Variants in DENND2D observed in about 807,000 individuals in gnomAD.
DENND2D encodes DENN domain containing 2D, also known as DENN domain-containing protein 2D.
DENND2D carries 37 observed loss-of-function variants against 59.8 expected under a neutral mutation model. That is an observed-to-expected ratio of 0.62 (90% CI 0.48 to 0.81). The LOEUF is 0.81. DENND2D is among the 40% of genes least tolerant of loss of function. The pLI, the probability that DENND2D is intolerant of heterozygous loss-of-function variation, is 0.00. For missense variants in DENND2D, 525 were observed against 579.7 expected (o/e 0.91, Z 0.97); for synonymous variants, 219 against 211.3 (o/e 1.04, Z -0.31).
chr1:111,192,087 T>C, intron 8 of DENND2D, 53 bp downstream of exon 8: 1 of 1,460,616 alleles, frequency 6.8e-7, no homozygotes, highest in South Asian at 1.4e-5. Flanking sequence ...AGCTGGGATC[T>C]GAATCCCACT....
chr1:111,187,314 A>G lies in DENND2D; in HGVS notation c.*291T>C. 8.0e-6 allele frequency: 3 copies of G among 373,152 alleles called. No homozygotes were observed. Among genetic ancestry groups the G allele is most frequent in the South Asian group, 4.3e-5 (1 of 23,170 alleles). 23.1% of individuals were successfully genotyped at this position (373,152 alleles called of 1,614,324 possible). On this transcript the variant is annotated 3_prime_UTR_variant, in exon 12 of 12. Transcript: ENST00000357640. ...GAGAGGGCAGTTGCAGCAGCTTCTA[A>G]CCAAGTGTCTACAACACATGTACTA... is the stretch of plus-strand genomic sequence containing the variant.
rs182480565 is a variant in DENND2D at position 111,187,833 on chromosome 1, C to T, written c.1340-152G>A. ...GCCTCACAGGTTCTGGAGATCCAGACATTCAGTTTTGTCCAAAAAGGAGCC... is the reference window on the plus strand; with the variant it reads ...GCCTCACAGGTTCTGGAGATCCAGATATTCAGTTTTGTCCAAAAAGGAGCC... On this transcript the variant is annotated intron_variant, in intron 11 of 11. Transcript: ENST00000357640. 4.6e-4 allele frequency: 351 copies of T among 763,326 alleles called. 6 individuals are homozygous for T. The East Asian group carries it at 9.3e-3, about 20-fold the overall frequency. The allele number at this position is 763,326 out of a possible 1,614,324, so 47.3% of individuals were successfully genotyped here.
upstream of DENND2D, chr1:111,204,428 C>G (rs928027187): frequency 1.5e-6 from 2 of 1,306,826 alleles, no homozygotes; most frequent in Non-Finnish European, 2.0e-6. Context: ...TCCGCGGGTC[C>G]GACACTTTCA....
chr1:111,191,282 A>T (rs1415978249), intron 8 of DENND2D, among the ~76,000 whole-genome samples: 1 of 152,072 alleles, frequency 6.6e-6, no homozygotes. Flanking sequence ...TTTCTATAGG[A>T]GAGGATTTGG....
At chr1:111,200,319 G>T in intron 1 of DENND2D, 74 bp downstream of exon 1, 1 of 1,545,312 alleles carries the variant, frequency 6.5e-7, no homozygotes, top group Middle Eastern at 1.7e-4. Context: ...GGAGGAAGGA[G>T]CATTTCAAGG....
intron 7 of DENND2D, among the ~76,000 whole-genome samples, chr1:111,193,435 T>C (rs141809499): frequency 6.4e-4 from 98 of 152,314 alleles, no homozygotes; most frequent in Middle Eastern, 3.4e-3. Flanking sequence ...CACACAGGAA[T>C]TTCTGGTTTC....
Position 111,194,577 on chromosome 1 carries a change from C to A in DENND2D, c.794+1G>T. Reference sequence around the variant, plus strand: ...GTGAGCCGTCCAGGGGCTGGGCCCACCTGAGACCTTCCGCCAGGAAGATGA... The same window carrying A: ...GTGAGCCGTCCAGGGGCTGGGCCCAACTGAGACCTTCCGCCAGGAAGATGA... On this transcript the variant is annotated splice_donor_variant, in intron 7 of 11. Transcript: ENST00000357640. LOFTEE classifies it high-confidence loss of function. 1.2e-6 allele frequency: 2 copies of A among 1,613,726 alleles called. No homozygotes were observed.
chr1:111,197,735 C>T (rs1658383143), intron 4 of DENND2D, 185 bp downstream of exon 4: 7 of 1,426,936 alleles, frequency 4.9e-6, no homozygotes, highest in Admixed American at 2.8e-5. Flanking sequence ...GGAGAAGGGG[C>T]ATCAGGTCCT....
intron 11 of DENND2D, 39 bp downstream of exon 11, chr1:111,188,092 C>A (rs964719951): frequency 1.9e-6 from 3 of 1,608,302 alleles, no homozygotes; most frequent in East Asian, 2.2e-5. Context: ...CTAGAGGTAA[C>A]CCTCTATGGG....
intron 1 of DENND2D, chr1:111,200,027 C>T (rs901068794): frequency 6.5e-6 from 4 of 618,560 alleles, no homozygotes; most frequent in Non-Finnish European, 1.1e-5. Flanking sequence ...AAAGAAACCA[C>T]TGACACAGAA....
chr1:111,190,449 C>T (rs1170337637), intron 8 of DENND2D, among the ~76,000 whole-genome samples: 2 of 152,172 alleles, frequency 1.3e-5, no homozygotes, highest in Admixed American at 6.5e-5. Flanking sequence ...TTGATCTTCA[C>T]AGTATTTTTA....
chr1:111,195,556 C>T lies in DENND2D; in HGVS notation c.645+360G>A, dbSNP rs17027070. 6.4e-3 allele frequency: 1,569 copies of T among 246,082 alleles called. 52 individuals carry two copies. The East Asian group carries it at 0.11, about 17-fold the overall frequency. 15.2% of individuals were successfully genotyped at this position (246,082 alleles called of 1,614,324 possible). A position where few individuals can be genotyped will look rare whatever the true frequency, so the allele number is the denominator to read the frequency against. ...GGATGATAAGAAATGGACAGATGGACGCTGTAAGGTAGAGACAGGACAAAC... is the reference window on the plus strand; with the variant it reads ...GGATGATAAGAAATGGACAGATGGATGCTGTAAGGTAGAGACAGGACAAAC... On this transcript the variant is annotated intron_variant, in intron 6 of 11. Coordinates refer to ENST00000357640, the MANE Select transcript of DENND2D (RefSeq NM_024901.5).
upstream of DENND2D, chr1:111,204,477 C>G (rs979071996): frequency 1.9e-6 from 2 of 1,053,670 alleles, no homozygotes; most frequent in African/African-American, 3.3e-5. Context: ...AGGTTCGGGG[C>G]GGCGCGGCGC....
chr1:111,204,339 G>A (rs1307644435), upstream of DENND2D: 3 of 1,480,360 alleles, frequency 2.0e-6, no homozygotes, highest in Non-Finnish European at 8.9e-7. Context: ...GAAGGCGGCG[G>A]CCGAGCCCAT....
chr1:111,201,823 C>T (rs911453017), upstream of DENND2D, among the ~76,000 whole-genome samples: 10 of 152,140 alleles, frequency 6.6e-5, no homozygotes, highest in Admixed American at 2.0e-4. Flanking sequence ...CCAGGACTCA[C>T]GGCCAAACTC....
At chr1:111,201,081 C>G (rs1031004111), upstream of DENND2D, 16 of 155,360 alleles carry the variant, frequency 1.0e-4, no homozygotes, top group African/African-American at 3.9e-4. Context: ...CTTTCTGCAG[C>G]CAGGATGTCA....
At chr1:111,198,881 G>A (rs983437469) in intron 2 of DENND2D, 139 bp from the exon 3 acceptor site, 4 of 794,754 alleles carry the variant, frequency 5.0e-6, no homozygotes, top group Non-Finnish European at 8.1e-6. Context: ...GGGGCGAAGG[G>A]TGCCTTTGCC....
chr1:111,203,831 C>CGGGGCA (rs1557969724), upstream of DENND2D, among the ~76,000 whole-genome samples: 3 of 151,298 alleles, frequency 2.0e-5, no homozygotes, highest in Non-Finnish European at 1.5e-5. Context: ...TGGCTATCTG[C>CGGGGCA]TGGGCAGGGG....
upstream of DENND2D, among the ~76,000 whole-genome samples, chr1:111,201,699 C>A (rs148342016): frequency 7.6e-3 from 1,161 of 152,326 alleles, 14 homozygotes; most frequent in African/African-American, 0.026. Context: ...CCAGTGTTTG[C>A]CACTCCTGCT....
Sources: allele counts gnomAD v4.1 joint callset (sites outside exome capture counted in the v4.1 genomes callset), GRCh38; gene constraint gnomAD v4.1.1; transcripts MANE v1.5; gene names NCBI Gene and HGNC (gene_info 2026-07-23, HGNC 2026-07-21).